FBXO25: variants seen among roughly 807,000 people sequenced by gnomAD.
FBXO25 encodes the protein F-box only protein 25.
FBXO25 carries 45 observed loss-of-function variants against 51.9 expected under a neutral mutation model. The observed-to-expected ratio is 0.87, with a 90% CI of 0.68 to 1.11. The LOEUF (loss-of-function observed/expected upper bound fraction) is 1.11, where lower values mean the gene tolerates loss of function less well. Among genes scored for constraint, FBXO25 ranks in the 50% most tolerant of loss-of-function variants. The pLI is 0.00. For synonymous variants in FBXO25, 199 were observed against 151.0 expected, an observed-to-expected ratio of 1.32 and a Z score of -2.33; for missense variants, 507 against 428.5, an observed-to-expected ratio of 1.18 and a Z score of -1.62.
chr8:460,761 T>C lies in FBXO25; in HGVS notation c.843+2210T>C, dbSNP rs961950090. On this transcript the variant is annotated intron_variant, in intron 8 of 9. Coordinates refer to ENST00000350302, the MANE Select transcript of FBXO25 (RefSeq NM_183420.2). ...GTTTTTAGTCTCTAGGAACTATTGT[T>C]TTAACAGTACCTGCCTGGAGGACAG... Among the ~76,000 whole-genome samples, 8 of 152,356 alleles carry C rather than the reference T, an allele frequency of 5.3e-5. No homozygotes were observed. The South Asian group carries it at 1.5e-3, about 28-fold the overall frequency.
chr8:421,906 T>C (rs1475500580), intron 2 of FBXO25, among the ~76,000 whole-genome samples: 2 of 152,098 alleles, frequency 1.3e-5, no homozygotes, highest in Admixed American at 6.5e-5. Flanking sequence ...ACAGTAGTAA[T>C]GGATTATAAC....
In FBXO25 at chr8:460,863, G is replaced by C. The variant is rs1483586049; in HGVS notation, c.844-2144G>C. 2.6e-5 allele frequency among the ~76,000 whole-genome samples: 4 copies of C among 152,134 alleles called. No individual in the cohort carries two copies. The South Asian group carries it at 6.2e-4, about 24-fold the overall frequency. ...GTAGTCTTCTTTTCAAATTTTATTA[G>C]AAACAAGATTTCCTCATTGACTCCA... On this transcript the variant is annotated intron_variant, in intron 8 of 9. Coordinates refer to ENST00000350302, the MANE Select transcript of FBXO25 (RefSeq NM_183420.2).
At chr8:459,971 A>C (rs556212789) in intron 8 of FBXO25, among the ~76,000 whole-genome samples, 15 of 152,160 alleles carry the variant, frequency 9.9e-5, no homozygotes, top group Non-Finnish European at 7.3e-5. Flanking sequence ...GAAGCAAAAG[A>C]ATTCCAGTAT....
chr8:454,909 A>AAAAAAAT (rs1799328125), intron 7 of FBXO25, among the ~76,000 whole-genome samples: 1 of 141,226 alleles, frequency 7.1e-6, no homozygotes, highest in Non-Finnish European at 1.5e-5. Context: ...AAAAAGAAAA[A>AAAAAAAT]GAAAACAAAG....
intron 8 of FBXO25, among the ~76,000 whole-genome samples, chr8:460,470 T>G (rs773374691): frequency 2.6e-5 from 4 of 152,174 alleles, no homozygotes; most frequent in Non-Finnish European, 5.9e-5. Context: ...AAAAGCATAT[T>G]AGAAATAGCT....
chr8:419,662 C>G (rs1797033825), intron 2 of FBXO25, among the ~76,000 whole-genome samples: 1 of 152,128 alleles, frequency 6.6e-6, no homozygotes, highest in African/African-American at 2.4e-5. Context: ...AAAATGAACT[C>G]AAAATGGATC....
At position 463,241 on chromosome 8, in the gene FBXO25, G is replaced by A. The variant is rs182410114; in HGVS notation, c.987+91G>A. 3,284 of 1,367,044 alleles carry A rather than the reference G, an allele frequency of 2.4e-3. 9 individuals are homozygous for A. Among genetic ancestry groups the A allele is most frequent in the Non-Finnish European group, 3.0e-3 (2,920 of 977,898 alleles). 84.7% of individuals were successfully genotyped at this position (1,367,044 alleles called of 1,614,324 possible). A position where few individuals can be genotyped will look rare whatever the true frequency, so the allele number is the denominator to read the frequency against. Reference sequence around the variant, plus strand: ...TATTTTAAGTATAAGACTAAAAAGCGGAAAATACTGTTTGTTATAAGTAAG... The same window carrying A: ...TATTTTAAGTATAAGACTAAAAAGCAGAAAATACTGTTTGTTATAAGTAAG... On this transcript the variant is annotated intron_variant, in intron 9 of 9. Transcript: ENST00000350302.
intron 7 of FBXO25, among the ~76,000 whole-genome samples, chr8:455,825 A>G (rs1206830553): frequency 6.6e-6 from 1 of 152,228 alleles, no homozygotes; most frequent in Non-Finnish European, 1.5e-5. Context: ...GATTTCTGAC[A>G]TGTTCAGCAA....
chr8:435,681 A>G lies in FBXO25; in HGVS notation c.355A>G (p.Ile119Val), dbSNP rs1165030154. Residue 119 changes from isoleucine to valine, a missense_variant, in exon 5 of 10, where the codon ATC becomes GTC. Coordinates refer to ENST00000350302, the MANE Select transcript of FBXO25 (RefSeq NM_183420.2). Reference protein sequence around the residue: ...RLDFSSAIQDIRRFNYVVKLL... With the variant: ...RLDFSSAIQDVRRFNYVVKLL... Reference sequence around the variant, plus strand: ...AGACTTCTCAAGTGCAATTCAAGATATCCGAAGGTTCAATTATGTGGTCAA... The same window carrying G: ...AGACTTCTCAAGTGCAATTCAAGATGTCCGAAGGTTCAATTATGTGGTCAA... 3 of 1,598,620 alleles carry G rather than the reference A, an allele frequency of 1.9e-6. No individual in the cohort carries two copies. The highest frequency in any genetic ancestry group is 2.7e-5 in the African/African-American group (2 of 74,074).
chr8:468,250 C>G (rs1563103178), intron 9 of FBXO25: 13 of 1,014,136 alleles, frequency 1.3e-5, no homozygotes, highest in Middle Eastern at 5.0e-4. Flanking sequence ...GTCCCCCTCT[C>G]CTGTCCTATG....
chr8:450,550 C>G (rs578251090), intron 6 of FBXO25, among the ~76,000 whole-genome samples: 1 of 152,254 alleles, frequency 6.6e-6, no homozygotes, highest in South Asian at 2.1e-4. Flanking sequence ...ATATATGACT[C>G]TATATTTAAG....
chr8:434,469 T>G (rs1797988306), intron 4 of FBXO25, among the ~76,000 whole-genome samples: 1 of 152,198 alleles, frequency 6.6e-6, no homozygotes, highest in African/African-American at 2.4e-5. Flanking sequence ...AGGCAGTCAG[T>G]CAACATATTT....
intron 7 of FBXO25, 42 bp downstream of exon 7, chr8:451,495 A>G: frequency 2.6e-6 from 4 of 1,554,794 alleles, no homozygotes; most frequent in East Asian, 2.2e-5. Context: ...CTCTGTTTTT[A>G]TATTACAGAA....
chr8:471,180 G>A lies in FBXO25; in HGVS notation c.*2376G>A, dbSNP rs777209560. 1 of 152,200 alleles carries A rather than the reference G, an allele frequency of 6.6e-6. No individual in the cohort carries two copies. Among genetic ancestry groups the A allele is most frequent in the African/African-American group, 2.4e-5 (1 of 41,432 alleles). The allele number at this position is 152,200 out of a possible 1,614,324, so 9.4% of individuals were successfully genotyped here. On this transcript the variant is annotated 3_prime_UTR_variant, in exon 10 of 10. Coordinates refer to ENST00000350302, the MANE Select transcript of FBXO25 (RefSeq NM_183420.2). ...GGCCATGGACACAGCTAGCCGCATT[G>A]CCACTGCATGGGTCACAGCCTCCTG... is the stretch of plus-strand genomic sequence containing the variant.
intron 5 of FBXO25, among the ~76,000 whole-genome samples, chr8:437,371 C>T (rs1008069199): frequency 6.6e-5 from 10 of 152,208 alleles, no homozygotes; most frequent in Non-Finnish European, 1.0e-4. Flanking sequence ...AAAAGGGCTG[C>T]AGTGTTGCAT....
At chr8:411,823 A>T (rs577611320) in intron 1 of FBXO25, among the ~76,000 whole-genome samples, 1 of 152,108 alleles carries the variant, frequency 6.6e-6, no homozygotes, top group Non-Finnish European at 1.5e-5. Flanking sequence ...GACATTTTGA[A>T]TCAGCAGTGT....
intron 1 of FBXO25, among the ~76,000 whole-genome samples, chr8:407,731 T>C (rs1796248780): frequency 6.6e-6 from 1 of 151,954 alleles, no homozygotes; most frequent in African/African-American, 2.4e-5. Flanking sequence ...CCCCGTCTGC[T>C]GCTTACCTTT....
chr8:412,301 CT>C (rs1174369020), intron 1 of FBXO25, among the ~76,000 whole-genome samples: 10 of 152,124 alleles, frequency 6.6e-5, no homozygotes, highest in African/African-American at 2.4e-4. Context: ...AGATAACTTC[CT>C]TGATTTCCTC....
intron 2 of FBXO25, among the ~76,000 whole-genome samples, chr8:422,322 T>C (rs945938875): frequency 3.9e-5 from 6 of 152,194 alleles, no homozygotes; most frequent in African/African-American, 1.4e-4. Flanking sequence ...CTAAGCTGAA[T>C]CAGGAGAAAA....
Sources: gnomAD v4.1 joint callset for allele counts (sites outside exome capture counted in the v4.1 genomes callset) on GRCh38, gnomAD v4.1.1 for gene constraint, MANE v1.5 for transcripts, NCBI Gene and HGNC (gene_info 2026-07-23, HGNC 2026-07-21) for gene names.